ROBO1: variants seen among roughly 807,000 people sequenced by gnomAD.
The protein encoded by ROBO1 is roundabout guidance receptor 1.
In ROBO1, 149 loss-of-function variants were observed where a neutral mutation model predicts 195.9. That is an observed-to-expected ratio of 0.76 (90% CI 0.67 to 0.87). The LOEUF is 0.87. Among genes scored for constraint, ROBO1 ranks in the 40% least tolerant of loss-of-function variants. The pLI is 0.00. For synonymous variants in ROBO1, 816 were observed against 733.2 expected, an observed-to-expected ratio of 1.11 and a Z score of -1.82; for missense variants, 1,933 against 2,068.3, an observed-to-expected ratio of 0.93 and a Z score of 1.27.
intron 2 of ROBO1, among the ~76,000 whole-genome samples, chr3:79,578,837 G>A (rs901099413): frequency 2.0e-5 from 3 of 152,114 alleles, no homozygotes; most frequent in African/African-American, 7.2e-5. Flanking sequence ...CTTGTAAATG[G>A]ATGAATTTTA....
chr3:79,222,812 T>C (rs1213186376), intron 2 of ROBO1, among the ~76,000 whole-genome samples: 3 of 152,110 alleles, frequency 2.0e-5, no homozygotes, highest in African/African-American at 7.2e-5. Flanking sequence ...TAATTTAATA[T>C]ATTCGGGATA....
chr3:79,541,437 GGATTTTAGA>G (rs1449312256), intron 2 of ROBO1, among the ~76,000 whole-genome samples: 2 of 151,974 alleles, frequency 1.3e-5, no homozygotes, highest in Non-Finnish European at 2.9e-5. Flanking sequence ...AAATTCAGAG[GGATTTTAGA>G]GAAGGGAATG....
At chr3:79,669,872 G>A (rs749601646) in intron 1 of ROBO1, among the ~76,000 whole-genome samples, 1 of 151,874 alleles carries the variant, frequency 6.6e-6, no homozygotes, top group African/African-American at 2.4e-5. Flanking sequence ...TAGAATAGGG[G>A]CTTAAGTTAG....
At chr3:79,453,727 G>A (rs548518584) in intron 2 of ROBO1, among the ~76,000 whole-genome samples, 39 of 152,190 alleles carry the variant, frequency 2.6e-4, no homozygotes, top group African/African-American at 8.7e-4. Context: ...ATCACAGCAT[G>A]AGACATCAGA....
chr3:79,345,146 G>T (rs1264993311), intron 2 of ROBO1, among the ~76,000 whole-genome samples: 1 of 152,144 alleles, frequency 6.6e-6, no homozygotes, highest in East Asian at 1.9e-4. Flanking sequence ...ATAGGAAGAG[G>T]TCTAGAAATG....
At chr3:79,471,181 G>A (rs1315543480) in intron 2 of ROBO1, among the ~76,000 whole-genome samples, 2 of 151,952 alleles carry the variant, frequency 1.3e-5, no homozygotes, top group East Asian at 1.9e-4. Flanking sequence ...TCAAATGTAA[G>A]ACCCAAAGCT....
At chr3:78,757,083 G>C (rs942459692) in intron 4 of ROBO1, among the ~76,000 whole-genome samples, 1 of 152,048 alleles carries the variant, frequency 6.6e-6, no homozygotes, top group Non-Finnish European at 1.5e-5. Flanking sequence ...GTAGAGACAG[G>C]GTTTCGCAAT....
chr3:79,365,148 C>T (rs998027138), intron 2 of ROBO1, among the ~76,000 whole-genome samples: 2 of 152,082 alleles, frequency 1.3e-5, no homozygotes, highest in African/African-American at 2.4e-5. Flanking sequence ...CTTATTGGTT[C>T]CCTCTATGCT....
intron 2 of ROBO1, among the ~76,000 whole-genome samples, chr3:79,441,145 T>C (rs540565713): frequency 1.3e-5 from 2 of 152,202 alleles, no homozygotes; most frequent in African/African-American, 4.8e-5. Flanking sequence ...TTCAAAAGAG[T>C]ATAAACACAT....
intron 2 of ROBO1, among the ~76,000 whole-genome samples, chr3:79,165,094 A>G (rs558014928): frequency 6.6e-6 from 1 of 152,284 alleles, no homozygotes; most frequent in East Asian, 1.9e-4. Context: ...TGTAAGCGCC[A>G]TAAGGTCAGG....
At chr3:79,379,528 T>C (rs755438666) in intron 2 of ROBO1, among the ~76,000 whole-genome samples, 2 of 152,214 alleles carry the variant, frequency 1.3e-5, no homozygotes, top group Non-Finnish European at 1.5e-5. Context: ...AACCTAAAGA[T>C]ACTTCAATTG....
chr3:78,907,984 T>C (rs1236326334), intron 4 of ROBO1, among the ~76,000 whole-genome samples: 1 of 151,884 alleles, frequency 6.6e-6, no homozygotes, highest in East Asian at 1.9e-4. Flanking sequence ...AAAGTATCAT[T>C]CATGGAAATA....
intron 3 of ROBO1, among the ~76,000 whole-genome samples, chr3:79,091,567 T>C (rs1452183011): frequency 1.4e-4 from 5 of 35,678 alleles, no homozygotes; most frequent in Non-Finnish European, 2.1e-4. Context: ...ACTTTTATGA[T>C]GCTCGAATTT....
chr3:78,863,500 C>A (rs902138074), intron 4 of ROBO1, among the ~76,000 whole-genome samples: 1 of 152,082 alleles, frequency 6.6e-6, no homozygotes, highest in Non-Finnish European at 1.5e-5. Context: ...GGAGGTTCTG[C>A]CGAGGGACTG....
chr3:79,097,836 G>C (rs1019749003), intron 3 of ROBO1, among the ~76,000 whole-genome samples: 10 of 151,464 alleles, frequency 6.6e-5, no homozygotes, highest in Non-Finnish European at 8.9e-5. Flanking sequence ...TTTTAGAAGA[G>C]ATAAATTACC....
chr3:79,338,907 C>T lies in ROBO1; in HGVS notation c.89-213368G>A, dbSNP rs552775894. ...TGTATATCTCATAAGCATTCTCAAC[C>T]GAATATTAAAAAATCAAACTTTGAT... On this transcript the variant is annotated intron_variant, in intron 2 of 30. Transcript: ENST00000464233. Among the ~76,000 whole-genome samples the T allele has an allele frequency of 3.3e-5, 5 of 152,230 alleles. No individual in the cohort carries two copies. The South Asian group carries it at 6.2e-4, about 19-fold the overall frequency.
intron 1 of ROBO1, among the ~76,000 whole-genome samples, chr3:79,623,948 A>G (rs1158082543): frequency 1.3e-5 from 2 of 152,196 alleles, no homozygotes; most frequent in Non-Finnish European, 2.9e-5. Context: ...AGCCAGAGAG[A>G]AAGGCCTGGT....
chr3:78,710,839 C>T (rs1222045199), intron 8 of ROBO1, among the ~76,000 whole-genome samples: 1 of 152,186 alleles, frequency 6.6e-6, no homozygotes, highest in Non-Finnish European at 1.5e-5. Flanking sequence ...CATCAAGTAA[C>T]TCCTCATTCC....
chr3:78,979,479 T>A (rs750102658), intron 3 of ROBO1, among the ~76,000 whole-genome samples: 3 of 152,162 alleles, frequency 2.0e-5, no homozygotes, highest in Non-Finnish European at 2.9e-5. Context: ...GTTAAAAGAT[T>A]TCTGTCTCCT....
Sources: allele counts gnomAD v4.1 joint callset (sites outside exome capture counted in the v4.1 genomes callset), GRCh38; gene constraint gnomAD v4.1.1; transcripts MANE v1.5; gene names NCBI Gene and HGNC (gene_info 2026-07-23, HGNC 2026-07-21).